ABI1: variants seen among roughly 807,000 people sequenced by gnomAD.
ABI1 encodes Abelson interactor 1.
In ABI1, 14 loss-of-function variants were observed where a neutral mutation model predicts 54.6. That is an observed-to-expected ratio of 0.26 (90% CI 0.17 to 0.40). ABI1 has a LOEUF of 0.40. Ranked by LOEUF, ABI1 falls within the 10% of genes least tolerant of loss-of-function variation. The pLI is 1.00. For synonymous variants in ABI1, 194 were observed against 209.3 expected (o/e 0.93, Z 0.63); for missense variants, 443 against 598.3 (o/e 0.74, Z 2.71).
chr10:26,819,063 A>G (rs1391119711), intron 2 of ABI1, among the ~76,000 whole-genome samples: 1 of 152,242 alleles, frequency 6.6e-6, no homozygotes, highest in Admixed American at 6.5e-5. Context: ...CAACTATTAC[A>G]AAGTCTTAAA....
At chr10:26,845,143 C>CT (rs1381211235) in intron 1 of ABI1, among the ~76,000 whole-genome samples, 48 of 131,620 alleles carry the variant, frequency 3.6e-4, no homozygotes, top group African/African-American at 1.4e-3. Context: ...TACCTAAATG[C>CT]TTTAAAAAAA....
chr10:26,835,088 CAAAAAAAAAAAAA>C (rs201431383), intron 1 of ABI1, among the ~76,000 whole-genome samples: 18 of 32,138 alleles, frequency 5.6e-4, no homozygotes, highest in Non-Finnish European at 8.1e-4. Context: ...GATTCTACCT[CAAAAAAAAAAAAA>C]AAAAAAAAAA....
intron 1 of ABI1, among the ~76,000 whole-genome samples, chr10:26,829,161 G>A (rs1299227457): frequency 6.6e-6 from 1 of 151,730 alleles, no homozygotes; most frequent in African/African-American, 2.4e-5. Flanking sequence ...GGGAGACGGA[G>A]CTTGCAGTGA....
chr10:26,767,326 G>A (rs1217293077), intron 6 of ABI1, among the ~76,000 whole-genome samples: 2 of 152,114 alleles, frequency 1.3e-5, no homozygotes, highest in African/African-American at 4.8e-5. Context: ...CTAGCATCTC[G>A]CATCTTGATA....
chr10:26,769,866 C>T (rs1411840899), intron 5 of ABI1, among the ~76,000 whole-genome samples: 2 of 152,130 alleles, frequency 1.3e-5, no homozygotes, highest in African/African-American at 4.8e-5. Context: ...CCATACTACA[C>T]AAAAGTAGAC....
chr10:26,819,152 C>A (rs1032029522), intron 2 of ABI1, among the ~76,000 whole-genome samples: 1 of 151,996 alleles, frequency 6.6e-6, no homozygotes, highest in Non-Finnish European at 1.5e-5. Flanking sequence ...AGCCCTAAGG[C>A]AAACATGAAT....
chr10:26,802,018 G>A (rs2046597363), intron 2 of ABI1, among the ~76,000 whole-genome samples: 1 of 152,190 alleles, frequency 6.6e-6, no homozygotes, highest in South Asian at 2.1e-4. Flanking sequence ...AAACAGGTCA[G>A]AAAGGAGAAA....
chr10:26,791,828 A>G (rs1206434771), intron 2 of ABI1, among the ~76,000 whole-genome samples: 1 of 152,234 alleles, frequency 6.6e-6, no homozygotes, highest in Non-Finnish European at 1.5e-5. Context: ...ACCTCAAACC[A>G]TAGGAAAAAA....
intron 5 of ABI1, among the ~76,000 whole-genome samples, chr10:26,769,259 A>C (rs954389819): frequency 1.2e-4 from 18 of 152,200 alleles, no homozygotes; most frequent in Non-Finnish European, 2.1e-4. Flanking sequence ...AATTATGGTT[A>C]TAATTTTTTA....
chr10:26,838,255 C>G (rs971999762), intron 1 of ABI1, among the ~76,000 whole-genome samples: 2 of 152,040 alleles, frequency 1.3e-5, no homozygotes, highest in African/African-American at 4.8e-5. Flanking sequence ...AACTCCTGAC[C>G]TCGTGATCCA....
intron 2 of ABI1, among the ~76,000 whole-genome samples, chr10:26,799,707 A>C (rs567637601): frequency 6.6e-6 from 1 of 152,350 alleles, no homozygotes; most frequent in South Asian, 2.1e-4. Context: ...AAATATACTT[A>C]TTTATGCGTT....
chr10:26,836,516 C>A (rs2049090507), intron 1 of ABI1, among the ~76,000 whole-genome samples: 2 of 152,174 alleles, frequency 1.3e-5, no homozygotes, highest in Admixed American at 6.5e-5. Context: ...ATATGCCAGA[C>A]AATGAGAAGA....
chr10:26,847,579 G>A (rs1019611550), intron 1 of ABI1, among the ~76,000 whole-genome samples: 5 of 151,804 alleles, frequency 3.3e-5, no homozygotes, highest in Non-Finnish European at 2.9e-5. Context: ...AGCTGAGATC[G>A]CACCACTGTA....
intron 1 of ABI1, among the ~76,000 whole-genome samples, chr10:26,842,963 G>A (rs1283272469): frequency 2.0e-5 from 3 of 152,098 alleles, no homozygotes; most frequent in Admixed American, 2.0e-4. Context: ...AGAACTGCTT[G>A]AACCCGGGAG....
chr10:26,838,024 ATTAC>A (rs1489342709), intron 1 of ABI1, among the ~76,000 whole-genome samples: 1 of 143,020 alleles, frequency 7.0e-6, no homozygotes, highest in African/African-American at 2.8e-5. Flanking sequence ...TCTTAATCTT[ATTAC>A]TTTTTTTTTT....
chr10:26,761,617 CATATATATATATATATATATATATATAT>C (rs1164854399), intron 7 of ABI1, among the ~76,000 whole-genome samples: 16 of 49,838 alleles, frequency 3.2e-4, no homozygotes, highest in Middle Eastern at 0.016. Flanking sequence ...TAGTTTTTGT[CATATATATATATATATATATATATATAT>C]ATATATATAT....
chr10:26,751,119 G>C (rs1273590453), intron 10 of ABI1, among the ~76,000 whole-genome samples: 1 of 152,078 alleles, frequency 6.6e-6, no homozygotes, highest in East Asian at 1.9e-4. Flanking sequence ...GGTTTATCCA[G>C]ACAAAGCTCC....
intron 2 of ABI1, among the ~76,000 whole-genome samples, chr10:26,819,043 G>A (rs2047789092): frequency 6.6e-6 from 1 of 152,170 alleles, no homozygotes; most frequent in Non-Finnish European, 1.5e-5. Flanking sequence ...AGACAGGAGA[G>A]AAGTGGAATC....
chr10:26,812,730 T>G (rs565113498), intron 2 of ABI1, among the ~76,000 whole-genome samples: 1 of 152,212 alleles, frequency 6.6e-6, no homozygotes, highest in South Asian at 2.1e-4. Flanking sequence ...ATGGCCATCT[T>G]CTCTTTGCGT....
Sources: allele counts gnomAD v4.1 joint callset (sites outside exome capture counted in the v4.1 genomes callset), GRCh38; gene constraint gnomAD v4.1.1; transcripts MANE v1.5; gene names NCBI Gene and HGNC (gene_info 2026-07-23, HGNC 2026-07-21).